Variants in TMX3 observed in about 807,000 individuals in gnomAD.
TMX3 encodes the protein thioredoxin related transmembrane protein 3, also known as protein disulfide-isomerase TMX3.
Under a neutral mutation model 64.4 loss-of-function variants are expected in TMX3, and 40 were observed. That is an observed-to-expected ratio of 0.62 (90% CI 0.48 to 0.81). TMX3 has a LOEUF of 0.81. TMX3 is among the 30% of genes least tolerant of loss of function. TMX3 has a pLI of 0.00. For missense variants in TMX3, 497 were observed against 534.5 expected, an observed-to-expected ratio of 0.93 and a Z score of 0.69; for synonymous variants, 189 against 175.7, an observed-to-expected ratio of 1.08 and a Z score of -0.60.
Position 68,706,795 on chromosome 18 carries a change from T to C in TMX3, c.265+3226A>G, listed in dbSNP as rs138322832. Among the ~76,000 whole-genome samples the C allele has an allele frequency of 2.5e-3, 385 of 152,324 alleles. 3 individuals carry two copies. The highest frequency in any genetic ancestry group is 8.3e-3 in the African/African-American group (346 of 41,590). ...CTGTATTTCAACTGCCTTAAAAATT[T>C]AGGCAAACTCTGAAATTCACAAGGC... On this transcript the variant is annotated intron_variant, in intron 4 of 15. Transcript: ENST00000299608.
At chr18:68,684,554 G>A (rs1913759247) in intron 10 of TMX3, 69 bp from the exon 11 acceptor site, 1 of 1,292,254 alleles carries the variant, frequency 7.7e-7, no homozygotes, top group African/African-American at 1.5e-5. Flanking sequence ...TATCACTTTA[G>A]TTCTGAGTAG....
At chr18:68,677,316 G>C in intron 15 of TMX3, 123 bp from the exon 16 acceptor site, 1 of 1,030,556 alleles carries the variant, frequency 9.7e-7, no homozygotes, top group Non-Finnish European at 1.4e-6. Context: ...TAGTTCCAAT[G>C]AATCAATCAT....
intron 5 of TMX3, 126 bp downstream of exon 5, chr18:68,701,619 A>G: frequency 6.5e-7 from 1 of 1,534,394 alleles, no homozygotes; most frequent in Non-Finnish European, 8.8e-7. Context: ...TACATACTTC[A>G]CCTATGAAGA....
chr18:68,706,560 C>T (rs1431361981), intron 4 of TMX3, among the ~76,000 whole-genome samples: 1 of 152,202 alleles, frequency 6.6e-6, no homozygotes, highest in Admixed American at 6.5e-5. Context: ...CAATAAGTAC[C>T]CAGGTAATTC....
At chr18:68,685,484 T>C (rs1913855862) in intron 10 of TMX3, among the ~76,000 whole-genome samples, 1 of 152,234 alleles carries the variant, frequency 6.6e-6, no homozygotes, top group Non-Finnish European at 1.5e-5. Flanking sequence ...TCTTTTTTTG[T>C]ATTATATGCT....
In TMX3 at chr18:68,714,936, C is replaced by T. The variant is rs548329439; in HGVS notation, c.46G>A (p.Val16Ile). The T allele has an allele frequency of 1.2e-5, 19 of 1,564,852 alleles. No homozygotes were observed. The Admixed American group carries it at 3.5e-4, about 29-fold the overall frequency. ...GTCCCGACCGCTGAGCCCCCATTAC[C>T]TGTGGCGCAGAGCCGCAGGGCCGTC... ...SWTALRLCAT[V>I]VVLDMVVCKG... Residue 16 changes from valine to isoleucine, a missense_variant and splice_region_variant, in exon 1 of 16, where the codon GTT becomes ATT. By Grantham distance (29) the Val-to-Ile change is conservative. Around this residue, in one of 3 missense-constraint regions of TMX3, gnomAD observed 360 missense variants for 383.5 expected, o/e 0.94. Transcript: ENST00000299608.
chr18:68,695,922 C>T (rs79823885), intron 8 of TMX3, among the ~76,000 whole-genome samples: 13,769 of 152,212 alleles, frequency 0.09, 640 homozygotes, highest in East Asian at 0.11. Flanking sequence ...ACACTGTAGG[C>T]ACTACAGTCA....
At chr18:68,681,541 T>G in intron 13 of TMX3, 1 of 984,710 alleles carries the variant, frequency 1.0e-6, no homozygotes, top group Non-Finnish European at 1.2e-6. Flanking sequence ...CCTCTTAAGT[T>G]CTTACTGAAA....
intron 10 of TMX3, 179 bp downstream of exon 10, chr18:68,687,488 G>GC: frequency 1.0e-6 from 1 of 985,114 alleles, no homozygotes; most frequent in Non-Finnish European, 1.2e-6. Flanking sequence ...TGACCCACAT[G>GC]CAAAGGTATA....
At chr18:68,708,004 T>C (rs1433419544) in intron 4 of TMX3, among the ~76,000 whole-genome samples, 1 of 146,666 alleles carries the variant, frequency 6.8e-6, no homozygotes, top group Non-Finnish European at 1.5e-5. Context: ...TGTGTATATA[T>C]ATGTGTATAT....
intron 12 of TMX3, among the ~76,000 whole-genome samples, chr18:68,683,238 A>G (rs1443193766): frequency 6.6e-6 from 1 of 152,132 alleles, no homozygotes; most frequent in Non-Finnish European, 1.5e-5. Context: ...TGGTTTATGC[A>G]TATTTAAAAT....
At position 68,697,487 on chromosome 18, in the gene TMX3, G is replaced by A. The variant is rs552196845; in HGVS notation, c.493-184C>T. 258 of 417,680 alleles carry A rather than the reference G, an allele frequency of 6.2e-4. 1 individual carries two copies. The highest frequency in any genetic ancestry group is 7.3e-4 in the Non-Finnish European group (168 of 230,954). The allele number at this position is 417,680 out of a possible 1,614,324, so 25.9% of individuals were successfully genotyped here. On this transcript the variant is annotated intron_variant, in intron 7 of 15. Coordinates refer to ENST00000299608, the MANE Select transcript of TMX3 (RefSeq NM_019022.5). Reference sequence around the variant, plus strand: ...AATTGTTTCCAAGGCAAAGGCCAACGTAATTAAGAGCTTTTATCTTTCTGC... The same window carrying A: ...AATTGTTTCCAAGGCAAAGGCCAACATAATTAAGAGCTTTTATCTTTCTGC...
intron 10 of TMX3, chr18:68,686,883 A>G (rs1045729462): frequency 1.0e-6 from 1 of 985,360 alleles, no homozygotes. Context: ...AAAACGTTAC[A>G]AACAGGAGAA....
chr18:68,709,999 A>G, intron 4 of TMX3, 22 bp downstream of exon 4: 2 of 1,564,970 alleles, frequency 1.3e-6, no homozygotes, highest in Non-Finnish European at 1.7e-6. Context: ...ACAGTAAAAT[A>G]ATAAACTAAG....
intron 3 of TMX3, among the ~76,000 whole-genome samples, 188 bp downstream of exon 3, chr18:68,711,176 C>G (rs373354196): frequency 6.6e-6 from 1 of 152,160 alleles, no homozygotes; most frequent in Non-Finnish European, 1.5e-5. Flanking sequence ...TACGTTCCCT[C>G]GCATGGAACC....
At chr18:68,708,351 C>T (rs1475430322) in intron 4 of TMX3, among the ~76,000 whole-genome samples, 8 of 152,072 alleles carry the variant, frequency 5.3e-5, no homozygotes, top group Non-Finnish European at 1.2e-4. Flanking sequence ...ACCACAAATT[C>T]AAAATCATTG....
rs76594176 is a variant in TMX3, at chr18:68,715,038, G to C, written c.-57C>G. The C allele has an allele frequency of 4.9e-4, 766 of 1,549,512 alleles. 5 individuals are homozygous for C. The African/African-American group carries it at 8.7e-3, about 18-fold the overall frequency. On this transcript the variant is annotated 5_prime_UTR_variant, in exon 1 of 16. Transcript: ENST00000299608. ...TGCAAAAGAGGGATAAAGACACTGG[G>C]GTCCGCCGCCTGCCCGCCCGGAAAG...
At chr18:68,687,622 GA>G in intron 10 of TMX3, 44 bp downstream of exon 10, 1 of 1,550,958 alleles carries the variant, frequency 6.4e-7, no homozygotes, top group Non-Finnish European at 8.7e-7. Context: ...AATAATCAAA[GA>G]AAAATCATGT....
chr18:68,684,945 T>A (rs1365749463), intron 10 of TMX3, among the ~76,000 whole-genome samples: 1 of 152,216 alleles, frequency 6.6e-6, no homozygotes, highest in Admixed American at 6.5e-5. Flanking sequence ...TACATGGCCG[T>A]TGACTTTGGT....
Sources: gnomAD v4.1 joint callset for allele counts (sites outside exome capture counted in the v4.1 genomes callset) on GRCh38, gnomAD v4.1.1 for gene constraint, gnomAD v4.1.1 regional missense constraint, MANE v1.5 for transcripts, NCBI Gene and HGNC (gene_info 2026-07-23, HGNC 2026-07-21) for gene names.